Variants in GPR161 observed in about 807,000 individuals in gnomAD.
GPR161 encodes G protein-coupled receptor 161.
A neutral mutation model predicts 39.2 loss-of-function variants in GPR161; 25 were observed. The ratio of observed to expected loss-of-function variants is 0.64; its 90% CI spans 0.47 to 0.89. GPR161 has a LOEUF of 0.89. Ranked by LOEUF, GPR161 falls within the 40% of genes least tolerant of loss-of-function variation. GPR161 has a pLI of 0.00. For synonymous variants in GPR161, 286 were observed against 276.6 expected (o/e 1.03, Z -0.34); for missense variants, 547 against 677.8 (o/e 0.81, Z 2.14).
chr1:168,089,148 A>G (rs1418272025), intron 4 of GPR161: 1 of 152,240 alleles, frequency 6.6e-6, no homozygotes, highest in Non-Finnish European at 1.5e-5. Context: ...TGCCCCCAGC[A>G]TCTGGCACAG....
rs912682196 is a variant in GPR161, at chr1:168,098,650, G to A, written c.375-1418C>T. ...TGCCTCCTTGGTCTTCCTAAGCAGG[G>A]GTGAGCCTGGGGCTGCTCTGAGCTG... On this transcript the variant is annotated intron_variant, in intron 2 of 5. Transcript: ENST00000682931. This position sits in a 1 kb window ranked among gnomAD's most constrained non-coding sequence, Gnocchi z 4.1. Among the ~76,000 whole-genome samples the A allele has an allele frequency of 6.6e-6, 1 of 152,230 alleles. No individual in the cohort carries two copies. Among genetic ancestry groups the A allele is most frequent in the Non-Finnish European group, 1.5e-5 (1 of 68,044 alleles).
chr1:168,086,395 GTTA>G (rs1391015110), intron 5 of GPR161, among the ~76,000 whole-genome samples: 1 of 152,180 alleles, frequency 6.6e-6, no homozygotes, highest in Admixed American at 6.5e-5. Flanking sequence ...CCTGTTCCCT[GTTA>G]TTATTAACTC....
At chr1:168,086,048 C>A (rs1264979136) in intron 5 of GPR161, among the ~76,000 whole-genome samples, 2 of 152,204 alleles carry the variant, frequency 1.3e-5, no homozygotes, top group African/African-American at 2.4e-5. Flanking sequence ...CCTCTTACTC[C>A]AAGAAGTTAC....
At position 168,083,290 on chromosome 1, in the gene GPR161, T is replaced by A. The variant is rs376488205; in HGVS notation, c.*2241A>T. On this transcript the variant is annotated 3_prime_UTR_variant, in exon 6 of 6. Transcript: ENST00000682931. ...ATCATTTTGTGAAATGCAGTATTTC[T>A]AGATTTAGATTAAATTCTATAATAG... The A allele has an allele frequency of 2.0e-5, 3 of 151,912 alleles. 1 individual carries two copies. In the East Asian group the frequency reaches 5.8e-4, roughly 29 times the overall value. The allele number at this position is 151,912 out of a possible 1,614,324, so 9.4% of individuals were successfully genotyped here.
chr1:168,093,853 T>C (rs922483001), intron 3 of GPR161, among the ~76,000 whole-genome samples: 1 of 152,208 alleles, frequency 6.6e-6, no homozygotes, highest in Non-Finnish European at 1.5e-5. Flanking sequence ...GGGCGCCACA[T>C]TCTGCTTTGG....
intron 1 of GPR161, among the ~76,000 whole-genome samples, chr1:168,115,581 G>C (rs1367382443): frequency 6.6e-6 from 1 of 152,060 alleles, no homozygotes; most frequent in Admixed American, 6.5e-5. Flanking sequence ...AGGAAAGTGA[G>C]ACCTCCCCCA....
intron 1 of GPR161, among the ~76,000 whole-genome samples, chr1:168,123,457 CA>C (rs1415103454): frequency 6.6e-6 from 1 of 151,416 alleles, no homozygotes; most frequent in Non-Finnish European, 1.5e-5. Context: ...GACCCTGTCT[CA>C]AAAAATTATA....
At chr1:168,118,545 T>C (rs988613814) in intron 1 of GPR161, 1 of 152,206 alleles carries the variant, frequency 6.6e-6, no homozygotes, top group Non-Finnish European at 1.5e-5. Flanking sequence ...CTAAAAGCCC[T>C]GACTTCACCA....
intron 1 of GPR161, among the ~76,000 whole-genome samples, chr1:168,130,391 C>A (rs1698899720): frequency 6.6e-6 from 1 of 152,180 alleles, no homozygotes; most frequent in African/African-American, 2.4e-5. Context: ...TGGATTTGAA[C>A]CTGCAGCTTT....
chr1:168,137,123 C>T (rs1264578304), upstream of GPR161: 2 of 1,049,150 alleles, frequency 1.9e-6, no homozygotes, highest in Non-Finnish European at 1.1e-6. Flanking sequence ...CCCATTTCTT[C>T]CCACGAACAG....
chr1:168,125,624 CTTT>C (rs35233372), intron 1 of GPR161, among the ~76,000 whole-genome samples: 2 of 142,198 alleles, frequency 1.4e-5, no homozygotes, highest in Admixed American at 7.0e-5. Context: ...CTTCCCCCCC[CTTT>C]TTTTTTTTTT....
At chr1:168,099,198 G>A (rs1330600871) in intron 2 of GPR161, among the ~76,000 whole-genome samples, 1 of 152,184 alleles carries the variant, frequency 6.6e-6, no homozygotes. Flanking sequence ...AAGCCCCATG[G>A]TGGTCTTCTT....
chr1:168,096,158 AAAG>A lies in GPR161; in HGVS notation c.1099+347_1099+349del, dbSNP rs1220893859. 1.4e-3 allele frequency among the ~76,000 whole-genome samples: 196 copies of A among 138,396 alleles called. 3 individuals carry two copies. Among genetic ancestry groups the A allele is most frequent in the African/African-American group, 6.0e-3 (183 of 30,460 alleles). The allele number at this position is 138,396 out of a possible 152,430, so 90.8% of individuals were successfully genotyped here. On this transcript the variant is annotated intron_variant, in intron 3 of 5. Transcript: ENST00000682931. ...CAAAAAAAAAAAAAAAAAAAAAAAA[AAAG>A]AGAGAGAGAACTAACTATACACACT...
chr1:168,109,873 G>A (rs192078628), intron 1 of GPR161, among the ~76,000 whole-genome samples: 8 of 152,090 alleles, frequency 5.3e-5, no homozygotes, highest in East Asian at 1.9e-4. Context: ...AGGCCGAGGC[G>A]GAGAATTGCT....
At chr1:168,121,073 A>G (rs7538795) in intron 1 of GPR161, among the ~76,000 whole-genome samples, 10,917 of 152,270 alleles carry the variant, frequency 0.072, 505 homozygotes, top group Middle Eastern at 0.11. Flanking sequence ...GAAGGAAGCC[A>G]GCTATTTCCA....
Position 168,136,787 on chromosome 1 carries a change from C to T in GPR161, c.-93G>A, listed in dbSNP as rs1271609973. ...TCAGGCCCCGGCCCAGCCGCCTCCCCGCCTCGGCCACCGCCGCCGCCGCTT... is the reference window on the plus strand; with the variant it reads ...TCAGGCCCCGGCCCAGCCGCCTCCCTGCCTCGGCCACCGCCGCCGCCGCTT... On this transcript the variant is annotated 5_prime_UTR_variant, in exon 1 of 6. Transcript: ENST00000682931. The T allele has an allele frequency of 1.6e-5, 16 of 986,960 alleles. No individual in the cohort carries two copies. The highest frequency in any genetic ancestry group is 1.8e-5 in the Non-Finnish European group (15 of 831,310). The allele number at this position is 986,960 out of a possible 1,614,324, so 61.1% of individuals were successfully genotyped here.
intron 2 of GPR161, among the ~76,000 whole-genome samples, chr1:168,097,892 T>G (rs551946225): frequency 2.6e-5 from 4 of 152,124 alleles, no homozygotes; most frequent in Admixed American, 2.0e-4. Context: ...CCCAGACCCA[T>G]GGGAGAAAGA....
chr1:168,136,905 C>T lies in GPR161; in HGVS notation c.-211G>A. 5 of 981,130 alleles carry T rather than the reference C, an allele frequency of 5.1e-6. No individual in the cohort carries two copies. Among genetic ancestry groups the T allele is most frequent in the Non-Finnish European group, 6.0e-6 (5 of 828,218 alleles). The allele number at this position is 981,130 out of a possible 1,614,324, so 60.8% of individuals were successfully genotyped here. On this transcript the variant is annotated 5_prime_UTR_variant, in exon 1 of 6. Coordinates refer to ENST00000682931, the MANE Select transcript of GPR161 (RefSeq NM_001375883.1). ...CTCCCGCGGGCCAGCCACCAGCACG[C>T]GGACCCGGGCGGGCGCAGGCCAAGT...
chr1:168,092,911 C>T (rs1021910435), intron 3 of GPR161, among the ~76,000 whole-genome samples: 24 of 152,100 alleles, frequency 1.6e-4, no homozygotes, highest in Non-Finnish European at 2.2e-4. Flanking sequence ...CTCGTAAGGG[C>T]GGCGTTTGGA....
Sources: gnomAD v4.1 joint callset for allele counts (sites outside exome capture counted in the v4.1 genomes callset) on GRCh38, gnomAD v4.1.1 for gene constraint, Gnocchi (gnomAD v3.1) non-coding constraint, MANE v1.5 for transcripts, NCBI Gene and HGNC (gene_info 2026-07-23, HGNC 2026-07-21) for gene names.